The following MALRD1 variants were observed in gnomAD, a reference collection of about 807,000 sequenced individuals.
MALRD1 encodes MAM and LDL receptor class A domain containing 1, also known as MAM and LDL-receptor class A domain-containing protein 1.
A neutral mutation model predicts 242.1 loss-of-function variants in MALRD1; 247 were observed. The ratio of observed to expected loss-of-function variants is 1.02; its 90% CI spans 0.92 to 1.13. MALRD1 has a LOEUF of 1.13. Among genes scored for constraint, MALRD1 ranks in the 50% most tolerant of loss-of-function variants. MALRD1 has a pLI of 0.00. For synonymous variants in MALRD1, 995 were observed against 866.6 expected, an observed-to-expected ratio of 1.15 and a Z score of -2.60; for missense variants, 2,989 against 2,533.1, an observed-to-expected ratio of 1.18 and a Z score of -3.86.
At chr10:19,052,060 T>C in intron 1 of MALRD1, 1 of 410,592 alleles carries the variant, frequency 2.4e-6, no homozygotes, top group Non-Finnish European at 4.7e-6. Flanking sequence ...GTTAATAGCT[T>C]TGATGGCATG....
At chr10:19,287,260 G>A (rs1348274496) in intron 21 of MALRD1, among the ~76,000 whole-genome samples, 3 of 151,942 alleles carry the variant, frequency 2.0e-5, no homozygotes, top group South Asian at 2.1e-4. Flanking sequence ...TTAGGGATTG[G>A]TTATAGGTGC....
chr10:19,077,558 G>C (rs918983563), intron 2 of MALRD1, among the ~76,000 whole-genome samples: 28 of 151,900 alleles, frequency 1.8e-4, no homozygotes, highest in African/African-American at 6.8e-4. Flanking sequence ...GTTTAGAAAA[G>C]AACACTAGAG....
Position 19,376,137 on chromosome 10 carries a change from A to G in MALRD1, c.4442-11391A>G, listed in dbSNP as rs2130766859. ...ACTTCGTCTCAAAAAACAAAACAAAACAAAGCAAAAACAAAAACAAAAAAA... is the reference window on the plus strand; with the variant it reads ...ACTTCGTCTCAAAAAACAAAACAAAGCAAAGCAAAAACAAAAACAAAAAAA... On this transcript the variant is annotated intron_variant, in intron 26 of 39. Coordinates refer to ENST00000454679, the MANE Select transcript of MALRD1 (RefSeq NM_001142308.3). 2.0e-5 allele frequency among the ~76,000 whole-genome samples: 3 copies of G among 152,306 alleles called. 1 individual carries two copies. The highest frequency in any genetic ancestry group is 2.0e-4 in the Admixed American group (3 of 15,290).
At position 19,280,213 on chromosome 10, in the gene MALRD1, A is replaced by G. The variant is rs1250386113; in HGVS notation, c.3246A>G (p.Glu1082=). The G allele has an allele frequency of 6.6e-7, 1 of 1,508,638 alleles. No homozygotes were observed. The allele number at this position is 1,508,638 out of a possible 1,614,324, so 93.5% of individuals were successfully genotyped here. A position where few individuals can be genotyped will look rare whatever the true frequency, so the allele number is the denominator to read the frequency against. ...FKYDCPDKSD[E]ASCVMEVCSF... is the part of the protein sequence containing the mutation. ...ATGACTGCCCTGACAAATCAGATGAAGCATCCTGTGGTAGGTGGATTCTTA... is the reference window on the plus strand; with the variant it reads ...ATGACTGCCCTGACAAATCAGATGAGGCATCCTGTGGTAGGTGGATTCTTA... Residue 1082 remains glutamate, a synonymous_variant, in exon 20 of 40, where the codon GAA becomes GAG. Coordinates refer to ENST00000454679, the MANE Select transcript of MALRD1 (RefSeq NM_001142308.3).
intron 36 of MALRD1, among the ~76,000 whole-genome samples, chr10:19,691,546 T>A (rs1311301403): frequency 1.3e-5 from 2 of 152,246 alleles, no homozygotes; most frequent in East Asian, 1.9e-4. Flanking sequence ...CTGTTACTGA[T>A]GTTAAACAAG....
intron 29 of MALRD1, among the ~76,000 whole-genome samples, chr10:19,452,053 C>A (rs970825312): frequency 5.3e-5 from 8 of 152,056 alleles, no homozygotes; most frequent in African/African-American, 1.9e-4. Context: ...AGTAACTTTC[C>A]AAGTAATATG....
intron 13 of MALRD1, among the ~76,000 whole-genome samples, chr10:19,171,076 G>A (rs575757045): frequency 2.6e-5 from 4 of 151,918 alleles, no homozygotes; most frequent in East Asian, 3.9e-4. Context: ...GTCTGGAAAA[G>A]CACCTGAGTT....
intron 7 of MALRD1, among the ~76,000 whole-genome samples, chr10:19,126,900 T>C (rs1837301246): frequency 6.6e-6 from 1 of 152,100 alleles, no homozygotes; most frequent in Non-Finnish European, 1.5e-5. Flanking sequence ...TTTATCCCAA[T>C]GATCTCCCTC....
At chr10:19,238,769 T>G (rs578255209) in intron 18 of MALRD1, among the ~76,000 whole-genome samples, 2 of 148,496 alleles carry the variant, frequency 1.3e-5, no homozygotes, top group Non-Finnish European at 3.0e-5. Context: ...GTTTTTTTTG[T>G]TTTTTTTTAA....
chr10:19,699,335 GGA>G lies in MALRD1; in HGVS notation c.6314+6783_6314+6784del, dbSNP rs145899397. Among the ~76,000 whole-genome samples the G allele has an allele frequency of 3.2e-3, 449 of 139,526 alleles. 3 individuals are homozygous for G. The highest frequency in any genetic ancestry group is 0.012 in the African/African-American group (417 of 33,776). The allele number at this position is 139,526 out of a possible 152,430, so 91.5% of individuals were successfully genotyped here. A position where few individuals can be genotyped will look rare whatever the true frequency, so the allele number is the denominator to read the frequency against. On this transcript the variant is annotated intron_variant, in intron 38 of 39. Coordinates refer to ENST00000454679, the MANE Select transcript of MALRD1 (RefSeq NM_001142308.3). ...GAGGGAAAGGAGGGAAAGGTAGGAG[GGA>G]GGAAATTGTACTATGTCTCAGTTAT...
chr10:19,128,544 A>C (rs915760439), intron 8 of MALRD1, among the ~76,000 whole-genome samples, 157 bp downstream of exon 8: 1 of 152,160 alleles, frequency 6.6e-6, no homozygotes, highest in African/African-American at 2.4e-5. Flanking sequence ...AGAAACTAGG[A>C]TAGGGGACAC....
intron 33 of MALRD1, among the ~76,000 whole-genome samples, chr10:19,589,104 A>G (rs1159802490): frequency 6.6e-6 from 1 of 152,208 alleles, no homozygotes; most frequent in Non-Finnish European, 1.5e-5. Flanking sequence ...AAATTAAAAA[A>G]TTAAAAGTCT....
At chr10:19,122,698 G>A (rs762436040) in intron 5 of MALRD1, among the ~76,000 whole-genome samples, 21 of 152,146 alleles carry the variant, frequency 1.4e-4, no homozygotes, top group Non-Finnish European at 2.4e-4. Context: ...TTATATTGGG[G>A]GGCTTGGGGA....
intron 31 of MALRD1, among the ~76,000 whole-genome samples, chr10:19,502,394 A>G (rs1350048419): frequency 6.6e-6 from 1 of 152,182 alleles, no homozygotes; most frequent in African/African-American, 2.4e-5. Context: ...ATAGGTTTCT[A>G]TTTGATTCTG....
chr10:19,288,963 C>T (rs567692775), intron 21 of MALRD1, among the ~76,000 whole-genome samples: 3 of 152,120 alleles, frequency 2.0e-5, no homozygotes, highest in Non-Finnish European at 2.9e-5. Context: ...TGATTTCCCC[C>T]CTCCCTGCTT....
intron 24 of MALRD1, among the ~76,000 whole-genome samples, chr10:19,340,242 C>G (rs1010876984): frequency 2.0e-5 from 3 of 152,124 alleles, no homozygotes; most frequent in Non-Finnish European, 4.4e-5. Flanking sequence ...GATATCTACC[C>G]TCTCAAACAT....
chr10:19,414,718 A>C (rs1833434581), intron 28 of MALRD1, among the ~76,000 whole-genome samples: 1 of 152,020 alleles, frequency 6.6e-6, no homozygotes, highest in Non-Finnish European at 1.5e-5. Context: ...AGCTGTTGAT[A>C]ATCAGCACTG....
chr10:19,408,434 C>G (rs145510725), intron 28 of MALRD1, among the ~76,000 whole-genome samples: 81 of 152,238 alleles, frequency 5.3e-4, no homozygotes, highest in African/African-American at 1.9e-3. Context: ...AGCCTTGATC[C>G]TTGACTTCAG....
intron 38 of MALRD1, among the ~76,000 whole-genome samples, chr10:19,713,783 G>C (rs2131880883): frequency 6.6e-6 from 1 of 152,328 alleles, no homozygotes; most frequent in South Asian, 2.1e-4. Context: ...ACAGTGACGT[G>C]CAGAGAAGTG....
Sources: allele counts gnomAD v4.1 joint callset (sites outside exome capture counted in the v4.1 genomes callset), GRCh38; gene constraint gnomAD v4.1.1; transcripts MANE v1.5; gene names NCBI Gene and HGNC (gene_info 2026-07-23, HGNC 2026-07-21).